EVI5: variants seen among roughly 807,000 people sequenced by gnomAD.
EVI5 encodes the protein ecotropic viral integration site 5 protein homolog.
Under a neutral mutation model 112.0 loss-of-function variants are expected in EVI5, and 73 were observed. That is an observed-to-expected ratio of 0.65 (90% CI 0.54 to 0.79). EVI5 has a LOEUF of 0.79. Ranked by LOEUF, EVI5 falls within the 30% of genes least tolerant of loss-of-function variation. The pLI, the probability that EVI5 is intolerant of heterozygous loss-of-function variation, is 0.00. For missense variants in EVI5, 900 were observed against 968.8 expected (o/e 0.93, Z 0.94); for synonymous variants, 305 against 319.9 (o/e 0.95, Z 0.50).
At chr1:92,746,289 A>G (rs1679237084) in intron 1 of EVI5, among the ~76,000 whole-genome samples, 1 of 152,220 alleles carries the variant, frequency 6.6e-6, no homozygotes, top group African/African-American at 2.4e-5. Context: ...TAATGTGTCT[A>G]AGGCCTTTCC....
rs193084974 is a variant in EVI5 at position 92,546,795 on chromosome 1, C to A, written c.2166+16847G>T. 2.1e-3 allele frequency among the ~76,000 whole-genome samples: 315 copies of A among 152,240 alleles called. 6 individuals are homozygous for A. The highest frequency in any genetic ancestry group is 0.019 in the Admixed American group (289 of 15,302). ...AAAGGGATCAATTCAACAAGAAGAG[C>A]TAACTATCCTAAACACGTATCACCC... On this transcript the variant is annotated intron_variant, in intron 19 of 19. Coordinates refer to ENST00000684568, the MANE Select transcript of EVI5 (RefSeq NM_001350197.2).
chr1:92,713,580 A>C (rs535925501), intron 2 of EVI5, among the ~76,000 whole-genome samples: 1 of 152,210 alleles, frequency 6.6e-6, no homozygotes, highest in African/African-American at 2.4e-5. Context: ...GTTTGAGACC[A>C]GCCTGGCTAA....
intron 14 of EVI5, among the ~76,000 whole-genome samples, chr1:92,627,929 C>T (rs749596918): frequency 6.6e-6 from 1 of 152,082 alleles, no homozygotes; most frequent in Non-Finnish European, 1.5e-5. Context: ...GCTGGGATTA[C>T]AGGCGCCGGC....
chr1:92,521,910 A>G (rs1228766966), intron 19 of EVI5, among the ~76,000 whole-genome samples: 2 of 152,224 alleles, frequency 1.3e-5, no homozygotes, highest in Non-Finnish European at 2.9e-5. Context: ...TAGAAAATAA[A>G]GCAATTCTAC....
At chr1:92,688,019 A>C (rs917691190) in intron 9 of EVI5, among the ~76,000 whole-genome samples, 2 of 152,202 alleles carry the variant, frequency 1.3e-5, no homozygotes, top group South Asian at 2.1e-4. Context: ...TTGATCCAGC[A>C]ATCCCATTAC....
At chr1:92,685,607 T>C (rs1668382436) in intron 9 of EVI5, among the ~76,000 whole-genome samples, 1 of 152,082 alleles carries the variant, frequency 6.6e-6, no homozygotes, top group Non-Finnish European at 1.5e-5. Flanking sequence ...AATCAATGAA[T>C]TCAGGAGCTG....
At position 92,705,023 on chromosome 1, in the gene EVI5, C is replaced by T. The variant is rs920753921; in HGVS notation, c.150-279G>A. ...TTTCCCTTCGTCTCCATTAAAAATTCAAATTAGGGGAAATCTGATGAGAAA... is the reference window on the plus strand; with the variant it reads ...TTTCCCTTCGTCTCCATTAAAAATTTAAATTAGGGGAAATCTGATGAGAAA... On this transcript the variant is annotated intron_variant, in intron 2 of 19. Coordinates refer to ENST00000684568, the MANE Select transcript of EVI5 (RefSeq NM_001350197.2). Among the ~76,000 whole-genome samples the T allele has an allele frequency of 5.9e-5, 9 of 152,080 alleles. 1 individual carries two copies. The highest frequency in any genetic ancestry group is 3.9e-4 in the Admixed American group (6 of 15,282).
At chr1:92,581,864 T>C (rs1055880045) in intron 18 of EVI5, among the ~76,000 whole-genome samples, 2 of 152,216 alleles carry the variant, frequency 1.3e-5, no homozygotes, top group African/African-American at 2.4e-5. Context: ...GGTCAATACA[T>C]GACTATTTTC....
chr1:92,631,112 G>A (rs1456540410), intron 14 of EVI5, among the ~76,000 whole-genome samples: 3 of 152,074 alleles, frequency 2.0e-5, no homozygotes, highest in Non-Finnish European at 4.4e-5. Context: ...GTCAGGTAGT[G>A]TGATGCCTCC....
intron 1 of EVI5, among the ~76,000 whole-genome samples, chr1:92,739,752 C>CTGA (rs1213743657): frequency 6.6e-6 from 1 of 151,736 alleles, no homozygotes; most frequent in East Asian, 1.9e-4. Flanking sequence ...TTTAAAGATT[C>CTGA]TGATTTTAGA....
intron 18 of EVI5, 50 bp downstream of exon 18, chr1:92,605,257 G>C (rs200887333): frequency 4.2e-6 from 5 of 1,188,796 alleles, no homozygotes. Context: ...AGACAAAGAG[G>C]ATAGAAGAAA....
intron 2 of EVI5, among the ~76,000 whole-genome samples, chr1:92,718,391 A>C (rs1479426778): frequency 3.3e-5 from 5 of 152,210 alleles, no homozygotes; most frequent in Admixed American, 1.3e-4. Context: ...TCAGAAACTC[A>C]CTCAAAACGC....
chr1:92,782,434 A>C (rs1558255728), intron 1 of EVI5, among the ~76,000 whole-genome samples: 1 of 152,242 alleles, frequency 6.6e-6, no homozygotes, highest in African/African-American at 2.4e-5. Flanking sequence ...TGAGAGAAAA[A>C]TAAGCATATC....
intron 18 of EVI5, among the ~76,000 whole-genome samples, chr1:92,576,069 C>G (rs1020990006): frequency 6.6e-6 from 1 of 151,970 alleles, no homozygotes; most frequent in East Asian, 1.9e-4. Flanking sequence ...TTGGGTAAAT[C>G]AAAGGATTAA....
intron 18 of EVI5, among the ~76,000 whole-genome samples, chr1:92,566,680 T>C (rs1015446974): frequency 1.3e-5 from 2 of 152,124 alleles, no homozygotes; most frequent in African/African-American, 2.4e-5. Context: ...TCATAGGAGA[T>C]GACAGCTCCA....
intron 13 of EVI5, among the ~76,000 whole-genome samples, chr1:92,659,519 G>T (rs1343224062): frequency 1.1e-4 from 17 of 151,896 alleles, no homozygotes; most frequent in Admixed American, 1.1e-3. Flanking sequence ...ACTATCATCA[G>T]AGAAATTAAA....
intron 2 of EVI5, among the ~76,000 whole-genome samples, chr1:92,736,081 C>T (rs1677382270): frequency 6.6e-6 from 1 of 151,468 alleles, no homozygotes; most frequent in African/African-American, 2.4e-5. Flanking sequence ...TTATTTTATG[C>T]TTTTACCAAA....
chr1:92,690,468 G>T (rs1297545555), intron 9 of EVI5, among the ~76,000 whole-genome samples: 1 of 151,118 alleles, frequency 6.6e-6, no homozygotes, highest in Non-Finnish European at 1.5e-5. Flanking sequence ...TTAGTATCTT[G>T]AGTAGCTGGA....
intron 9 of EVI5, among the ~76,000 whole-genome samples, chr1:92,692,230 G>T (rs1288613027): frequency 6.6e-6 from 1 of 152,164 alleles, no homozygotes; most frequent in Non-Finnish European, 1.5e-5. Context: ...TTCAGAAATG[G>T]ATTGTACATA....
Sources: gnomAD v4.1 joint callset for allele counts (sites outside exome capture counted in the v4.1 genomes callset) on GRCh38, gnomAD v4.1.1 for gene constraint, MANE v1.5 for transcripts, NCBI Gene and HGNC (gene_info 2026-07-23, HGNC 2026-07-21) for gene names.